Variants in SOD2 observed in about 807,000 individuals in gnomAD.
SOD2 encodes the protein superoxide dismutase 2, also known as superoxide dismutase [Mn], mitochondrial.
SOD2 carries 11 observed loss-of-function variants against 27.0 expected under a neutral mutation model. The observed-to-expected ratio is 0.41, with a 90% CI of 0.26 to 0.67. The LOEUF (loss-of-function observed/expected upper bound fraction) is 0.67. Ranked by LOEUF, SOD2 falls within the 30% of genes least tolerant of loss-of-function variation. The probability of loss-of-function intolerance (pLI) is 0.34; values close to 1 mark genes in which losing one functional copy is unlikely to be tolerated. For missense variants in SOD2, 250 were observed against 274.5 expected (o/e 0.91, Z 0.63); for synonymous variants, 105 against 103.0 (o/e 1.02, Z -0.12).
rs1398778724 is a variant in SOD2, at chr6:159,680,093, C to T, written c.*2400G>A. 6.6e-6 allele frequency: 1 copy of T among 152,148 alleles called. No individual in the cohort carries two copies. Among genetic ancestry groups the T allele is most frequent in the African/African-American group, 2.4e-5 (1 of 41,430 alleles). The allele number at this position is 152,148 out of a possible 1,614,324, so 9.4% of individuals were successfully genotyped here. The stretch of plus-strand genomic sequence containing the variant: ...CCAGAAAGCCAAAGCAAAAATAGAG[C>T]CCCACAGAAATTTCAACATTGAACA... On this transcript the variant is annotated 3_prime_UTR_variant, in exon 5 of 5. Transcript: ENST00000538183.
chr6:159,690,789 T>G (rs1780425476), intron 2 of SOD2: 1 of 152,220 alleles, frequency 6.6e-6, no homozygotes, highest in Admixed American at 6.5e-5. Flanking sequence ...TCTTACAGTT[T>G]GCTTACTCAT....
intron 1 of SOD2, among the ~76,000 whole-genome samples, chr6:159,702,383 G>C (rs986545462): frequency 2.0e-5 from 3 of 150,032 alleles, no homozygotes; most frequent in African/African-American, 7.4e-5. Flanking sequence ...TGTAACCTCC[G>C]CCTCCCAGGT....
At chr6:159,705,525 T>C (rs1777608993) in intron 1 of SOD2, among the ~76,000 whole-genome samples, 1 of 152,150 alleles carries the variant, frequency 6.6e-6, no homozygotes, top group Admixed American at 6.5e-5. Flanking sequence ...GTATCAGTGA[T>C]TGAAGATCAA....
chr6:159,685,393 C>T (rs1222407165), intron 3 of SOD2, among the ~76,000 whole-genome samples: 1 of 151,896 alleles, frequency 6.6e-6, no homozygotes, highest in Non-Finnish European at 1.5e-5. Context: ...CAGGCACGTG[C>T]CATCACGCCC....
At chr6:159,745,703 A>T (rs770803075), upstream of SOD2, among the ~76,000 whole-genome samples, 1 of 152,196 alleles carries the variant, frequency 6.6e-6, no homozygotes, top group African/African-American at 2.4e-5. Flanking sequence ...GTGATGGATC[A>T]GATTTAGATT....
At chr6:159,690,839 T>A (rs1780428136) in intron 2 of SOD2, 1 of 152,214 alleles carries the variant, frequency 6.6e-6, no homozygotes, top group African/African-American at 2.4e-5. Flanking sequence ...TATCTGCTTT[T>A]AAGAACACTT....
Position 159,671,902 on chromosome 6 carries a change from C to A in SOD2, c.*10591G>T, listed in dbSNP as rs995462091. The A allele has an allele frequency of 6.6e-6, 1 of 152,100 alleles. No individual in the cohort carries two copies. Among genetic ancestry groups the A allele is most frequent in the Admixed American group, 6.5e-5 (1 of 15,268 alleles). 9.4% of individuals were successfully genotyped at this position (152,100 alleles called of 1,614,324 possible). A position where few individuals can be genotyped will look rare whatever the true frequency, so the allele number is the denominator to read the frequency against. ...CAGCATAGAGAAGTCCTTAAATGAC[C>A]TGATGGAGCTGAAAACCATGGCATG... On this transcript the variant is annotated 3_prime_UTR_variant, in exon 5 of 5. Transcript: ENST00000538183.
intron 1 of SOD2, among the ~76,000 whole-genome samples, chr6:159,710,221 AC>A (rs1777705851): frequency 6.6e-6 from 1 of 151,220 alleles, no homozygotes; most frequent in Non-Finnish European, 1.5e-5. Context: ...TATGTAACAA[AC>A]CTGCACGTTC....
In SOD2 at chr6:159,756,668, C is replaced by CA. The variant is rs1390166822; in HGVS notation, c.-336+4368dup. On this transcript the variant is annotated intron_variant, in intron 1 of 7. Coordinates refer to the SOD2 transcript ENST00000546087. The stretch of plus-strand genomic sequence containing the variant: ...TTAGGCTCAAGTGCAGTGGTGCAGT[C>CA]ATGGCTCACTGCAGCCTCAAAGTCC... 4.3e-5 allele frequency among the ~76,000 whole-genome samples: 6 copies of CA among 140,008 alleles called. No individual in the cohort carries two copies. The Admixed American group carries it at 4.7e-4, about 11-fold the overall frequency. 91.9% of individuals were successfully genotyped at this position (140,008 alleles called of 152,430 possible).
At chr6:159,683,066 C>G (rs1374934737) in intron 4 of SOD2, among the ~76,000 whole-genome samples, 1 of 152,146 alleles carries the variant, frequency 6.6e-6, no homozygotes, top group Admixed American at 6.5e-5. Flanking sequence ...TTACGAGGAA[C>G]CAGCTCTGCT....
At chr6:159,726,751 G>C in intron 1 of SOD2, 4 of 1,284,960 alleles carry the variant, frequency 3.1e-6, no homozygotes, top group Non-Finnish European at 4.1e-6. Flanking sequence ...TCCTCGATGC[G>C]TCTCCAGAGA....
intron 1 of SOD2, among the ~76,000 whole-genome samples, chr6:159,714,616 T>C (rs370357323): frequency 6.6e-6 from 1 of 152,220 alleles, no homozygotes; most frequent in African/African-American, 2.4e-5. Context: ...TTTTTCACTT[T>C]GTTGAAAAGG....
rs1779686202 is a variant in SOD2 at position 159,672,450 on chromosome 6, A to G, written c.*10043T>C. The G allele has an allele frequency of 6.6e-6, 1 of 152,230 alleles. No homozygotes were observed. The highest frequency in any genetic ancestry group is 1.5e-5 in the Non-Finnish European group (1 of 68,040). 9.4% of individuals were successfully genotyped at this position (152,230 alleles called of 1,614,324 possible). On this transcript the variant is annotated 3_prime_UTR_variant, in exon 5 of 5. Transcript: ENST00000538183. ...GGGGGTCAATATTCAACGTTCTTGA[A>G]GAAAAGAATTTTCAACCCAGAATTT...
exon 1 of SOD2, chr6:159,762,044 T>G (rs1780146921): frequency 6.2e-7 from 1 of 1,607,182 alleles, no homozygotes; most frequent in Admixed American, 1.7e-5. Flanking sequence ...GAGCTTTGCC[T>G]AGCTTGCAGG....
At chr6:159,736,158 A>T in intron 1 of SOD2, 1 of 1,117,074 alleles carries the variant, frequency 9.0e-7, no homozygotes, top group Non-Finnish European at 1.3e-6. Flanking sequence ...ACAGTAATTT[A>T]GTTCACTAAT....
At position 159,737,528 on chromosome 6, in the gene SOD2, C is replaced by G. The variant is rs138986678; in HGVS notation, c.-116+7602G>C. On this transcript the variant is annotated intron_variant, in intron 1 of 3. Coordinates refer to the SOD2 transcript ENST00000537657. ...TTATTTTCTGAGACAGAGTCTCACT[C>G]TGTTGCCCATGCTGGAGTGCAGTGG... is the stretch of plus-strand genomic sequence containing the variant. Among the ~76,000 whole-genome samples the G allele has an allele frequency of 5.3e-5, 8 of 152,254 alleles. No homozygotes were observed. The East Asian group carries it at 1.2e-3, about 22-fold the overall frequency.
intron 1 of SOD2, among the ~76,000 whole-genome samples, chr6:159,721,516 G>A (rs1323597902): frequency 6.6e-6 from 1 of 151,974 alleles, no homozygotes; most frequent in Non-Finnish European, 1.5e-5. Context: ...TTACAGGCAT[G>A]TGCCACCATG....
At chr6:159,693,299 C>T, upstream of SOD2, 3 of 649,454 alleles carry the variant, frequency 4.6e-6, no homozygotes, top group Non-Finnish European at 4.7e-6. Context: ...GCCGCGACCC[C>T]AGCTGCGCCG....
chr6:159,688,936 C>T (rs541579956), intron 2 of SOD2, among the ~76,000 whole-genome samples: 10 of 152,306 alleles, frequency 6.6e-5, no homozygotes, highest in Non-Finnish European at 1.3e-4. Flanking sequence ...TCCCTTCTCC[C>T]TAACTCTACT....
Sources: gnomAD v4.1 joint callset for allele counts (sites outside exome capture counted in the v4.1 genomes callset) on GRCh38, gnomAD v4.1.1 for gene constraint, MANE v1.5 for transcripts, NCBI Gene and HGNC (gene_info 2026-07-23, HGNC 2026-07-21) for gene names.